The following AOPEP variants were observed in gnomAD, a reference collection of about 807,000 sequenced individuals.
The protein encoded by AOPEP is aminopeptidase O (putative).
Under a neutral mutation model 98.1 loss-of-function variants are expected in AOPEP, and 77 were observed. The ratio of observed to expected loss-of-function variants is 0.78; its 90% CI spans 0.65 to 0.95. The LOEUF is 0.95. Ranked by LOEUF, AOPEP falls within the 40% of genes least tolerant of loss-of-function variation. AOPEP has a pLI of 0.00. For synonymous variants in AOPEP, 346 were observed against 365.3 expected (o/e 0.95, Z 0.60); for missense variants, 1,024 against 1,024.7 (o/e 1.00, Z 0.01).
chr9:94,867,469 G>C (rs910313265), intron 5 of AOPEP, among the ~76,000 whole-genome samples: 2 of 152,160 alleles, frequency 1.3e-5, no homozygotes, highest in African/African-American at 4.8e-5. Flanking sequence ...TGTTCCACAC[G>C]ATTCACAGAG....
chr9:95,112,077 A>G, the AOPEP span, among the ~76,000 whole-genome samples: 548 of 152,360 alleles, frequency 3.6e-3, 2 homozygotes, highest in African/African-American at 0.013. Context: ...TGGATATTTC[A>G]GCAACTACGA....
intron 5 of AOPEP, among the ~76,000 whole-genome samples, chr9:94,832,288 C>T (rs7045005): frequency 0.071 from 10,756 of 152,158 alleles, 1,103 homozygotes; most frequent in African/African-American, 0.23. Context: ...AAAAGAGATG[C>T]AACTGTCTCT....
chr9:94,946,686 C>G (rs1242996014), intron 7 of AOPEP, among the ~76,000 whole-genome samples: 2 of 152,220 alleles, frequency 1.3e-5, no homozygotes, highest in Non-Finnish European at 2.9e-5. Context: ...GCTCTTCTTT[C>G]TTTTCCTGAC....
At position 94,800,970 on chromosome 9, in the gene AOPEP, C is replaced by A. The variant is rs1415338770; in HGVS notation, c.1332C>A (p.Val444=). 6.2e-7 allele frequency: 1 copy of A among 1,614,088 alleles called. No homozygotes were observed. The highest frequency in any genetic ancestry group is 1.3e-5 in the African/African-American group (1 of 74,946). ...HPFSRLDVLI[V]PANFPSLGMA... ...TCTCTCGGCTGGATGTTCTCATCGT[C>A]CCTGCCAACTTTCCAAGTCTGGGGA... is the stretch of plus-strand genomic sequence containing the variant. The change falls in exon 5 of 17, where the codon GTC becomes GTA. Residue 444 remains valine (V), a synonymous_variant. Transcript: ENST00000375315.
the AOPEP span, among the ~76,000 whole-genome samples, chr9:95,139,805 T>C: frequency 4.0e-5 from 6 of 148,608 alleles, no homozygotes; most frequent in Admixed American, 2.0e-4. Flanking sequence ...GCTGTATTGT[T>C]TGACCTGACA....
intron 7 of AOPEP, among the ~76,000 whole-genome samples, chr9:94,952,806 GGACTTGTATATT>G (rs1175651292): frequency 6.6e-6 from 1 of 152,180 alleles, no homozygotes; most frequent in Non-Finnish European, 1.5e-5. Flanking sequence ...AATCTCTTGG[GGACTTGTATATT>G]GGCTTTGAAT....
chr9:95,135,599 G>A, the AOPEP span: 1 of 1,005,286 alleles, frequency 9.9e-7, no homozygotes, highest in Non-Finnish European at 1.5e-6. Context: ...TCCAATTTGT[G>A]AGACTTCTCA....
chr9:94,889,780 T>A (rs2048661702), intron 5 of AOPEP, among the ~76,000 whole-genome samples: 1 of 152,188 alleles, frequency 6.6e-6, no homozygotes, highest in Non-Finnish European at 1.5e-5. Context: ...AAATGTGCCG[T>A]TTTACATTTC....
rs1315480651 is a variant in AOPEP, at chr9:94,760,073, A to G, written c.290A>G (p.Asn97Ser). The change falls in exon 2 of 17, where the codon AAT becomes AGT. Residue 97 changes from asparagine (N) to serine (S), a missense_variant. By Grantham distance (46) the Asn-to-Ser change is conservative. Coordinates refer to ENST00000375315, the MANE Select transcript of AOPEP (RefSeq NM_001193329.3). ...ACCTTCTCATCTGAAATGGAATATA[A>G]TGATTTTGCAATCTGTAGTAAAGGT... The part of the protein sequence containing the change: ...ARTFSSEMEY[N>S]DFAICSKGEK... 1 of 1,614,122 alleles carries G rather than the reference A, an allele frequency of 6.2e-7. No individual in the cohort carries two copies.
intron 7 of AOPEP, among the ~76,000 whole-genome samples, chr9:94,943,919 CAAAAAAA>C (rs775807087): frequency 5.7e-5 from 1 of 17,418 alleles, no homozygotes; most frequent in African/African-American, 9.6e-5. Flanking sequence ...GACTCCATCT[CAAAAAAA>C]AAAAAAAAAA....
At chr9:95,050,041 T>C (rs1245173040) in intron 13 of AOPEP, among the ~76,000 whole-genome samples, 1 of 152,230 alleles carries the variant, frequency 6.6e-6, no homozygotes, top group African/African-American at 2.4e-5. Context: ...CTCATAGCAG[T>C]AAAGTGACGT....
At chr9:95,054,138 T>C (rs547459065) in intron 13 of AOPEP, among the ~76,000 whole-genome samples, 155 of 152,354 alleles carry the variant, frequency 1.0e-3, no homozygotes, top group African/African-American at 3.7e-3. Context: ...CAGGCATATA[T>C]TGAACATGCC....
At chr9:94,828,635 A>G (rs1432109216) in intron 5 of AOPEP, among the ~76,000 whole-genome samples, 3 of 152,118 alleles carry the variant, frequency 2.0e-5, no homozygotes, top group Non-Finnish European at 2.9e-5. Flanking sequence ...GCTCTTGAGC[A>G]GAGTTTTTCA....
At chr9:95,028,010 C>T (rs1006381142) in intron 13 of AOPEP, among the ~76,000 whole-genome samples, 2 of 152,202 alleles carry the variant, frequency 1.3e-5, no homozygotes, top group Non-Finnish European at 2.9e-5. Context: ...TCAGAACACT[C>T]ATTGCAGGCC....
downstream of AOPEP, among the ~76,000 whole-genome samples, chr9:95,090,107 G>C (rs1224000078): frequency 6.6e-6 from 1 of 152,240 alleles, no homozygotes; most frequent in Non-Finnish European, 1.5e-5. Context: ...AAGGGCCACT[G>C]AGGGGCTGGA....
At chr9:95,124,614 C>G in the AOPEP span, among the ~76,000 whole-genome samples, 1 of 152,192 alleles carries the variant, frequency 6.6e-6, no homozygotes, top group Non-Finnish European at 1.5e-5. Context: ...TTCCTGGAAG[C>G]CAATTCACAT....
intron 7 of AOPEP, among the ~76,000 whole-genome samples, chr9:94,950,020 G>T (rs191380382): frequency 2.0e-5 from 3 of 152,306 alleles, no homozygotes; most frequent in Non-Finnish European, 2.9e-5. Context: ...TTCAAAATCA[G>T]CAGTCTCACC....
chr9:95,149,168 A>G, the AOPEP span, among the ~76,000 whole-genome samples: 1 of 152,160 alleles, frequency 6.6e-6, no homozygotes, highest in Non-Finnish European at 1.5e-5. Flanking sequence ...TTTAAGTAAC[A>G]AACACATTTT....
At chr9:94,801,291 A>G (rs1848173689) in intron 5 of AOPEP, among the ~76,000 whole-genome samples, 1 of 152,218 alleles carries the variant, frequency 6.6e-6, no homozygotes. Flanking sequence ...TGACTGTTGG[A>G]TCATGGCTGA....
Sources: allele counts gnomAD v4.1 joint callset (sites outside exome capture counted in the v4.1 genomes callset), GRCh38; gene constraint gnomAD v4.1.1; transcripts MANE v1.5; gene names NCBI Gene and HGNC (gene_info 2026-07-23, HGNC 2026-07-21).